Variants in IDE observed in about 807,000 individuals in gnomAD.
The protein encoded by IDE is insulin-degrading enzyme.
In IDE, 58 loss-of-function variants were observed where a neutral mutation model predicts 133.2. The observed-to-expected ratio is 0.44, with a 90% confidence interval of 0.35 to 0.54. The LOEUF is 0.54. Ranked by LOEUF, IDE falls within the 20% of genes least tolerant of loss-of-function variation. The probability of loss-of-function intolerance (pLI) is 0.00; values close to 1 mark genes in which losing one functional copy is unlikely to be tolerated. For synonymous variants in IDE, 396 were observed against 421.3 expected (o/e 0.94, Z 0.73); for missense variants, 981 against 1,234.0 (o/e 0.79, Z 3.07).
At chr10:92,516,836 C>A (rs1589457517) in intron 4 of IDE, among the ~76,000 whole-genome samples, 1 of 152,196 alleles carries the variant, frequency 6.6e-6, no homozygotes, top group African/African-American at 2.4e-5. Context: ...TAACAGCTCT[C>A]ATGAAATCTT....
chr10:92,483,344 T>C lies in IDE; in HGVS notation c.1657-7A>G. 1 of 1,564,354 alleles carries C rather than the reference T, an allele frequency of 6.4e-7. No individual in the cohort carries two copies. The highest frequency in any genetic ancestry group is 8.8e-7 in the Non-Finnish European group (1 of 1,136,336). ...GTTTGCTCATAGCTGTATCCTGTGA[T>C]GGAGAAACAATTTGGTTAGGGAAAT... On this transcript the variant is annotated splice_region_variant and splice_polypyrimidine_tract_variant and intron_variant, in intron 13 of 24. Transcript: ENST00000265986.
At chr10:92,533,000 A>C (rs2135677750) in intron 3 of IDE, among the ~76,000 whole-genome samples, 1 of 152,356 alleles carries the variant, frequency 6.6e-6, no homozygotes, top group East Asian at 1.9e-4. Context: ...TCTATAATCA[A>C]AGATGTATGA....
intron 24 of IDE, among the ~76,000 whole-genome samples, chr10:92,454,846 G>T (rs933354402): frequency 6.6e-6 from 1 of 152,060 alleles, no homozygotes; most frequent in East Asian, 1.9e-4. Flanking sequence ...TTCGCATCAA[G>T]GCTTCAGCAG....
intron 22 of IDE, among the ~76,000 whole-genome samples, chr10:92,459,327 G>T (rs1845228173): frequency 6.6e-6 from 1 of 152,088 alleles, no homozygotes; most frequent in Non-Finnish European, 1.5e-5. Context: ...ATAAACATTA[G>T]AAACCCTAGT....
chr10:92,507,714 C>T (rs1848372330), intron 8 of IDE, 48 bp from the exon 9 acceptor site: 1 of 1,021,736 alleles, frequency 9.8e-7, no homozygotes, highest in Admixed American at 1.7e-5. Context: ...TTGAATCCTT[C>T]AAAGCAGTGA....
Position 92,495,269 on chromosome 10 carries a change from G to A in IDE, c.1431-4674C>T, listed in dbSNP as rs1170365538. Among the ~76,000 whole-genome samples, 7 of 149,666 alleles carry A rather than the reference G, an allele frequency of 4.7e-5. No individual in the cohort carries two copies. In the East Asian group the frequency reaches 1.4e-3, roughly 29 times the overall value. On this transcript the variant is annotated intron_variant, in intron 11 of 24. Transcript: ENST00000265986. ...GGCGTCTCACTCTGTTGCCCAGGCT[G>A]GAGTGCAGTGGCGCGATCTTGGCTC...
At chr10:92,515,552 C>A (rs940752659) in intron 4 of IDE, among the ~76,000 whole-genome samples, 2 of 144,854 alleles carry the variant, frequency 1.4e-5, no homozygotes, top group African/African-American at 5.1e-5. Context: ...AGCAACCGCG[C>A]ACCCGGCCTT....
rs566659520 is a variant in IDE at position 92,566,203 on chromosome 10, A to C, written c.98+7719T>G. Reference sequence around the variant, plus strand: ...AAATCCTGTCTCTACAAAAAAAAAAAAAAACTCCAAAAAATTAGCCAGGTA... The same window carrying C: ...AAATCCTGTCTCTACAAAAAAAAAACAAAACTCCAAAAAATTAGCCAGGTA... On this transcript the variant is annotated intron_variant, in intron 1 of 24. Coordinates refer to ENST00000265986, the MANE Select transcript of IDE (RefSeq NM_004969.4). Among the ~76,000 whole-genome samples the C allele has an allele frequency of 2.6e-5, 4 of 151,764 alleles. No individual in the cohort carries two copies. In the South Asian group the frequency reaches 6.2e-4, roughly 24 times the overall value.
At chr10:92,476,422 G>A (rs957157471) in intron 15 of IDE, among the ~76,000 whole-genome samples, 1 of 152,058 alleles carries the variant, frequency 6.6e-6, no homozygotes, top group African/African-American at 2.4e-5. Flanking sequence ...TGATCCATCC[G>A]CCTCGGCCTT....
intron 12 of IDE, among the ~76,000 whole-genome samples, chr10:92,488,957 C>G (rs868216744): frequency 0.01 from 677 of 65,128 alleles, 8 homozygotes; most frequent in African/African-American, 0.039. Flanking sequence ...AAAAAAAAAG[C>G]AACTGGCCAG....
At chr10:92,456,590 G>GTAA (rs1235969651) in intron 22 of IDE, among the ~76,000 whole-genome samples, 159 bp from the exon 23 acceptor site, 1 of 152,116 alleles carries the variant, frequency 6.6e-6, no homozygotes, top group Non-Finnish European at 1.5e-5. Flanking sequence ...TGTAATCCCA[G>GTAA]CACTTTGGGA....
intron 24 of IDE, 133 bp downstream of exon 24, chr10:92,455,443 T>C (rs1844941615): frequency 3.2e-6 from 2 of 633,890 alleles, no homozygotes; most frequent in Admixed American, 2.7e-5. Flanking sequence ...ATCGCACCAC[T>C]GCACTCCAGC....
intron 4 of IDE, among the ~76,000 whole-genome samples, chr10:92,518,853 G>A (rs1589460936): frequency 2.6e-5 from 4 of 152,082 alleles, no homozygotes; most frequent in Admixed American, 6.5e-5. Flanking sequence ...CTATAAACAC[G>A]GAAATGATAA....
At chr10:92,492,246 C>A (rs1847398421) in intron 11 of IDE, among the ~76,000 whole-genome samples, 1 of 148,536 alleles carries the variant, frequency 6.7e-6, no homozygotes, top group Admixed American at 6.8e-5. Flanking sequence ...GGAGACAGAG[C>A]AAGACTCTGT....
Position 92,463,951 on chromosome 10 carries a change from T to C in IDE, c.2541A>G (p.Arg847=). 6.2e-7 allele frequency: 1 copy of C among 1,614,164 alleles called. No homozygotes were observed. The highest frequency in any genetic ancestry group is 8.5e-7 in the Non-Finnish European group (1 of 1,180,006). ...GTGGCTTTTCTGACTGGATGATGAA[T>C]CTCAAGCCCTGTATGCCATTAGCTC... ...PRRANGIQGL[R]FIIQSEKPPH... Residue 847 remains arginine (R), a synonymous_variant, in exon 21 of 25, where the codon AGA becomes AGG. Transcript: ENST00000265986.
At chr10:92,535,873 T>C (rs575548020) in intron 2 of IDE, among the ~76,000 whole-genome samples, 53 of 151,858 alleles carry the variant, frequency 3.5e-4, no homozygotes, top group Admixed American at 8.5e-4. Flanking sequence ...TCGTCTCTAA[T>C]AAAAATACAA....
At chr10:92,542,752 C>T (rs1413595112) in intron 1 of IDE, among the ~76,000 whole-genome samples, 1 of 152,148 alleles carries the variant, frequency 6.6e-6, no homozygotes, top group Non-Finnish European at 1.5e-5. Flanking sequence ...GAGGAAAAAG[C>T]ATGAGGAATA....
At chr10:92,459,677 A>G (rs77962095) in intron 22 of IDE, among the ~76,000 whole-genome samples, 15,217 of 152,162 alleles carry the variant, frequency 0.1, 883 homozygotes, top group South Asian at 0.17. Flanking sequence ...AAACATATGT[A>G]ACACTTTAGG....
At chr10:92,568,992 TTAAA>T (rs1224250729) in intron 1 of IDE, among the ~76,000 whole-genome samples, 1 of 151,996 alleles carries the variant, frequency 6.6e-6, no homozygotes, top group East Asian at 1.9e-4. Flanking sequence ...ATGTACAATA[TTAAA>T]TAAGAGAGTA....
Sources: gnomAD v4.1 joint callset for allele counts (sites outside exome capture counted in the v4.1 genomes callset) on GRCh38, gnomAD v4.1.1 for gene constraint, MANE v1.5 for transcripts, NCBI Gene and HGNC (gene_info 2026-07-23, HGNC 2026-07-21) for gene names.